The following ZFAT variants were observed in gnomAD, a reference collection of about 807,000 sequenced individuals.
The protein encoded by ZFAT is zinc finger protein ZFAT.
Under a neutral mutation model 117.7 loss-of-function variants are expected in ZFAT, and 64 were observed. The ratio of observed to expected loss-of-function variants is 0.54; its 90% CI spans 0.44 to 0.67. The LOEUF is 0.67. Ranked by LOEUF, ZFAT falls within the 30% of genes least tolerant of loss-of-function variation. The pLI, the probability that ZFAT is intolerant of heterozygous loss-of-function variation, is 0.00. For synonymous variants in ZFAT, 679 were observed against 615.0 expected (o/e 1.10, Z -1.54); for missense variants, 1,433 against 1,584.5 (o/e 0.90, Z 1.62).
chr8:134,677,058 C>T (rs143071878), intron 1 of ZFAT, among the ~76,000 whole-genome samples: 12 of 152,118 alleles, frequency 7.9e-5, no homozygotes, highest in East Asian at 3.9e-4. Flanking sequence ...CAAACAAATT[C>T]GAAAGCTAGC....
At chr8:134,586,773 C>T (rs978095755) in intron 9 of ZFAT, among the ~76,000 whole-genome samples, 1 of 152,270 alleles carries the variant, frequency 6.6e-6, no homozygotes, top group Non-Finnish European at 1.5e-5. Flanking sequence ...GTGCCTCCTC[C>T]TTCTGAAACA....
intron 1 of ZFAT, chr8:134,696,669 A>C (rs1377494908): frequency 2.1e-6 from 2 of 951,142 alleles, no homozygotes; most frequent in African/African-American, 3.5e-5. Flanking sequence ...GCCGCCACAG[A>C]GGCTCTGATT....
At chr8:134,497,383 A>G (rs1681673327) in intron 15 of ZFAT, among the ~76,000 whole-genome samples, 1 of 152,096 alleles carries the variant, frequency 6.6e-6, no homozygotes, top group South Asian at 2.1e-4. Context: ...TAAAATTCTA[A>G]TGTGCAGGAT....
intron 12 of ZFAT, among the ~76,000 whole-genome samples, chr8:134,527,824 A>G (rs1367239361): frequency 6.6e-6 from 1 of 152,240 alleles, no homozygotes; most frequent in Non-Finnish European, 1.5e-5. Context: ...CACTTGGCAG[A>G]GGAGCATAAG....
chr8:134,723,601 C>T, the ZFAT span: 1 of 152,498 alleles, frequency 6.6e-6, no homozygotes, highest in Non-Finnish European at 1.5e-5. Flanking sequence ...GTACTCCGCT[C>T]CTGCCCTCCT....
At chr8:134,776,345 C>T in the ZFAT span, among the ~76,000 whole-genome samples, 3 of 152,142 alleles carry the variant, frequency 2.0e-5, no homozygotes, top group Non-Finnish European at 4.4e-5. Flanking sequence ...GCTCTGTCAC[C>T]CAGGCTGCAG....
the ZFAT span, among the ~76,000 whole-genome samples, chr8:134,753,263 T>TG: frequency 7.9e-6 from 1 of 126,904 alleles, no homozygotes; most frequent in Admixed American, 7.6e-5. Context: ...CTATCTATTT[T>TG]GGGGGGGCAG....
At chr8:134,783,405 G>A in the ZFAT span, among the ~76,000 whole-genome samples, 122 of 152,234 alleles carry the variant, frequency 8.0e-4, no homozygotes, top group Admixed American at 1.3e-3. Flanking sequence ...GATCTAGGTT[G>A]CACACTCCTT....
chr8:134,489,255 G>A (rs1817879592), intron 15 of ZFAT, among the ~76,000 whole-genome samples: 1 of 152,084 alleles, frequency 6.6e-6, no homozygotes, highest in Admixed American at 6.5e-5. Context: ...ATCCCGTGAA[G>A]AGGATGGGCC....
intron 3 of ZFAT, among the ~76,000 whole-genome samples, chr8:134,628,107 CA>C (rs1829644577): frequency 6.6e-6 from 1 of 152,160 alleles, no homozygotes; most frequent in Admixed American, 6.5e-5. Flanking sequence ...ACTTGAAGAC[CA>C]GCAGGAATCA....
At position 134,478,403 on chromosome 8, in the gene ZFAT, AG is replaced by A; in HGVS notation, c.*78del. On this transcript the variant is annotated 3_prime_UTR_variant, in exon 16 of 16. Transcript: ENST00000377838. The surrounding 1 kb of genome is among the most constrained non-coding windows in gnomAD (Gnocchi z 5.2). The stretch of plus-strand genomic sequence containing the variant: ...GAGAGCACCATTCTGCGGGTAGGGC[AG>A]GAAGGGTGGCCTCCCCACCCTGGGT... The A allele has an allele frequency of 6.7e-7, 1 of 1,502,890 alleles. No homozygotes were observed. Among genetic ancestry groups the A allele is most frequent in the Non-Finnish European group, 8.9e-7 (1 of 1,123,306 alleles). The allele number at this position is 1,502,890 out of a possible 1,614,324, so 93.1% of individuals were successfully genotyped here.
chr8:134,517,611 C>G (rs1820344928), intron 13 of ZFAT, among the ~76,000 whole-genome samples: 1 of 152,194 alleles, frequency 6.6e-6, no homozygotes, highest in African/African-American at 2.4e-5. Context: ...AATAGGCTTT[C>G]TCCAGATTCC....
In ZFAT at chr8:134,614,420, C is replaced by G. The variant is rs76615236; in HGVS notation, c.449-3765G>C. Among the ~76,000 whole-genome samples, 303 of 152,320 alleles carry G rather than the reference C, an allele frequency of 2.0e-3. 1 individual carries two copies. The highest frequency in any genetic ancestry group is 6.9e-3 in the African/African-American group (288 of 41,568). ...GTCTGAGTGACAAGCCAAAAGGCAG[C>G]TCAGATTTCCCCTCCTCTGTGATAC... is the stretch of plus-strand genomic sequence containing the variant. On this transcript the variant is annotated intron_variant, in intron 3 of 15. Coordinates refer to ENST00000377838, the MANE Select transcript of ZFAT (RefSeq NM_020863.4).
At chr8:134,536,476 C>A (rs572180809) in intron 11 of ZFAT, among the ~76,000 whole-genome samples, 99 of 152,244 alleles carry the variant, frequency 6.5e-4, no homozygotes, top group Middle Eastern at 6.8e-3. Flanking sequence ...CAATTACCAC[C>A]CATTTTCTGC....
chr8:134,483,457 C>T (rs1259533320), intron 15 of ZFAT, among the ~76,000 whole-genome samples: 1 of 152,206 alleles, frequency 6.6e-6, no homozygotes, highest in African/African-American at 2.4e-5. Flanking sequence ...ACTCTTTACT[C>T]CTCCTGATTA....
At chr8:134,556,451 A>G (rs1228814968) in intron 11 of ZFAT, among the ~76,000 whole-genome samples, 2 of 152,164 alleles carry the variant, frequency 1.3e-5, no homozygotes, top group Non-Finnish European at 2.9e-5. Flanking sequence ...AAACTGATGA[A>G]GGATATCAAC....
intron 3 of ZFAT, among the ~76,000 whole-genome samples, chr8:134,621,170 A>G (rs1266471364): frequency 6.7e-6 from 1 of 150,204 alleles, no homozygotes; most frequent in East Asian, 1.9e-4. Context: ...AGATGACATC[A>G]AACCCCAGTG....
At chr8:134,564,925 T>A in intron 11 of ZFAT, 1 of 1,203,562 alleles carries the variant, frequency 8.3e-7, no homozygotes, top group Non-Finnish European at 1.1e-6. Flanking sequence ...GAACACAATC[T>A]CCAGTTTTTA....
At chr8:134,700,617 T>C (rs1833984573) in intron 1 of ZFAT, among the ~76,000 whole-genome samples, 1 of 152,176 alleles carries the variant, frequency 6.6e-6, no homozygotes, top group African/African-American at 2.4e-5. Context: ...CGGGCTGTGA[T>C]TACCCCACCT....
Sources: allele counts gnomAD v4.1 joint callset (sites outside exome capture counted in the v4.1 genomes callset), GRCh38; gene constraint gnomAD v4.1.1; non-coding constraint Gnocchi (gnomAD v3.1); transcripts MANE v1.5; gene names NCBI Gene and HGNC (gene_info 2026-07-23, HGNC 2026-07-21).